ETV3L: variants seen among roughly 807,000 people sequenced by gnomAD.
The protein encoded by ETV3L is ETS variant transcription factor 3 like, also known as ETS translocation variant 3-like protein.
A neutral mutation model predicts 27.6 loss-of-function variants in ETV3L; 30 were observed. That is an observed-to-expected ratio of 1.09 (90% confidence interval 0.81 to 1.48). The LOEUF is 1.48. Among genes scored for constraint, ETV3L ranks in the 40% most tolerant of loss-of-function variants. The probability of loss-of-function intolerance (pLI) is 0.00; values close to 1 mark genes in which losing one functional copy is unlikely to be tolerated. For synonymous variants in ETV3L, 186 were observed against 188.9 expected, an observed-to-expected ratio of 0.98 and a Z score of 0.12; for missense variants, 443 against 455.6, an observed-to-expected ratio of 0.97 and a Z score of 0.25.
intron 4 of ETV3L, among the ~76,000 whole-genome samples, chr1:157,096,653 G>A (rs1674226282): frequency 6.6e-6 from 1 of 152,224 alleles, no homozygotes; most frequent in Non-Finnish European, 1.5e-5. Context: ...GGGCGCGGTG[G>A]CTCACGCCTG....
chr1:157,092,613 G>A lies in ETV3L; in HGVS notation c.*36C>T. On this transcript the variant is annotated 3_prime_UTR_variant, in exon 5 of 5. Transcript: ENST00000454449. The stretch of plus-strand genomic sequence containing the variant: ...TGGGCAAGAGGAGAGATGGACTTTG[G>A]AGGACTCCTCCCCAACTTCCCACCT... 2 of 1,531,898 alleles carry A rather than the reference G, an allele frequency of 1.3e-6. No homozygotes were observed. Among genetic ancestry groups the A allele is most frequent in the Non-Finnish European group, 1.8e-6 (2 of 1,128,978 alleles). 94.9% of individuals were successfully genotyped at this position (1,531,898 alleles called of 1,614,324 possible).
In ETV3L at chr1:157,099,643, A is replaced by AGAAG. The variant is rs1344577833; in HGVS notation, c.-124_-121dup. 1.2e-6 allele frequency: 1 copy of AGAAG among 824,026 alleles called. No homozygotes were observed. The highest frequency in any genetic ancestry group is 1.7e-5 in the African/African-American group (1 of 58,830). 51.0% of individuals were successfully genotyped at this position (824,026 alleles called of 1,614,324 possible). On this transcript the variant is annotated 5_prime_UTR_variant, in exon 1 of 5. The change creates a premature stop within an existing upstream ORF in the 5' untranslated region. Transcript: ENST00000454449. ...AAAGAGGAAGGAAAAATGGAGGGAAAGAAGGAAGGAAGGGAGAGGGTCAGG... is the reference window on the plus strand; with the variant it reads ...AAAGAGGAAGGAAAAATGGAGGGAAAGAAGGAAGGAAGGAAGGGAGAGGGTCAGG...
intron 4 of ETV3L, among the ~76,000 whole-genome samples, chr1:157,097,171 G>C (rs1469331257): frequency 6.6e-6 from 1 of 151,678 alleles, no homozygotes; most frequent in Non-Finnish European, 1.5e-5. Flanking sequence ...ACAGCTTTTT[G>C]CTTTATAAAT....
chr1:157,097,921 C>CG lies in ETV3L; in HGVS notation c.553dup (p.Arg185ProfsTer10), dbSNP rs777622692. 16 of 1,613,566 alleles carry CG rather than the reference C, an allele frequency of 9.9e-6. No individual in the cohort carries two copies. The highest frequency in any genetic ancestry group is 1.3e-5 in the African/African-American group (1 of 74,844). On this transcript the variant is annotated frameshift_variant, in exon 4 of 5. Transcript: ENST00000454449. LOFTEE classifies it high-confidence loss of function. ...ATCCCCAGAGGTCTCTGGTGGCCCT[C>CG]GGGGGGTCTGCTGTCCTGTCAGCTG... is the stretch of plus-strand genomic sequence containing the variant.
Position 157,092,556 on chromosome 1 carries a change from C to G in ETV3L, c.*93G>C. ...CAAATCCTGCAATTTCAGCCCATGT[C>G]CAGCCAGGGGAAGGGGCTAACCCAG... On this transcript the variant is annotated 3_prime_UTR_variant, in exon 5 of 5. Coordinates refer to ENST00000454449, the MANE Select transcript of ETV3L (RefSeq NM_001004341.2). 1 of 1,098,274 alleles carries G rather than the reference C, an allele frequency of 9.1e-7. No homozygotes were observed. The highest frequency in any genetic ancestry group is 1.3e-6 in the Non-Finnish European group (1 of 763,958). The allele number at this position is 1,098,274 out of a possible 1,614,324, so 68.0% of individuals were successfully genotyped here.
At chr1:157,096,318 C>T (rs967932363) in intron 4 of ETV3L, among the ~76,000 whole-genome samples, 2 of 152,132 alleles carry the variant, frequency 1.3e-5, no homozygotes, top group African/African-American at 2.4e-5. Flanking sequence ...ATATCTGCAC[C>T]CCCCTTGCCT....
At chr1:157,093,158 GAGCCCAAC>G in intron 4 of ETV3L, 31 bp from the exon 5 acceptor site, 3 of 1,396,060 alleles carry the variant, frequency 2.1e-6, no homozygotes, top group South Asian at 1.6e-5. Flanking sequence ...AGGGTCAAGG[GAGCCCAAC>G]CTCTCGCAGA....
intron 4 of ETV3L, among the ~76,000 whole-genome samples, chr1:157,094,423 A>C (rs913735306): frequency 6.6e-6 from 1 of 152,156 alleles, no homozygotes; most frequent in Non-Finnish European, 1.5e-5. Flanking sequence ...TTCCCTCTCC[A>C]ACCCTGCCAG....
rs145240495 is a variant in ETV3L at position 157,092,695 on chromosome 1, G to T, written c.1040C>A (p.Pro347His). 121 of 1,613,528 alleles carry T rather than the reference G, an allele frequency of 7.5e-5. No individual in the cohort carries two copies. Among genetic ancestry groups the T allele is most frequent in the Admixed American group, 2.0e-4 (12 of 59,958 alleles). Reference sequence around the variant, plus strand: ...CACTGCTTTGAGGTTCTCCAGATTGGGGGAAGTAAGGCTTTCCTCCCCAGT... The same window carrying T: ...CACTGCTTTGAGGTTCTCCAGATTGTGGGAAGTAAGGCTTTCCTCCCCAGT... ...LKTGEESLTS[P>H]NLENLKAVWP... Residue 347 changes from proline (P) to histidine (H), a missense_variant, in exon 5 of 5, where the codon CCC becomes CAC. Pro to His is a moderately conservative substitution (Grantham distance 77, BLOSUM62 -2). Transcript: ENST00000454449.
Position 157,092,577 on chromosome 1 carries a change from C to G in ETV3L, c.*72G>C, listed in dbSNP as rs755307581. On this transcript the variant is annotated 3_prime_UTR_variant, in exon 5 of 5. Transcript: ENST00000454449. ...ATGTCCAGCCAGGGGAAGGGGCTAA[C>G]CCAGAGGCGGTGGGCAAGAGGAGAG... 1.8e-5 allele frequency: 24 copies of G among 1,354,070 alleles called. No homozygotes were observed. The highest frequency in any genetic ancestry group is 8.6e-5 in the Admixed American group (4 of 46,434). The allele number at this position is 1,354,070 out of a possible 1,614,324, so 83.9% of individuals were successfully genotyped here. A position where few individuals can be genotyped will look rare whatever the true frequency, so the allele number is the denominator to read the frequency against.
rs116330371 is a variant in ETV3L at position 157,098,490 on chromosome 1, A to G, written c.486+216T>C. Among the ~76,000 whole-genome samples, 775 of 152,090 alleles carry G rather than the reference A, an allele frequency of 5.1e-3. 5 individuals carry two copies. The highest frequency in any genetic ancestry group is 0.018 in the African/African-American group (747 of 41,420). ...CTGATCCACCCCTAAAGGAGTGGCG[A>G]CTAGGACAGAAGGAGCCACCCTTTC... On this transcript the variant is annotated intron_variant, in intron 3 of 4. Coordinates refer to ENST00000454449, the MANE Select transcript of ETV3L (RefSeq NM_001004341.2).
chr1:157,092,116 C>T lies in ETV3L; in HGVS notation c.*533G>A. 1 of 155,518 alleles carries T rather than the reference C, an allele frequency of 6.4e-6. No individual in the cohort carries two copies. Among genetic ancestry groups the T allele is most frequent in the Admixed American group, 6.3e-5 (1 of 15,868 alleles). The allele number at this position is 155,518 out of a possible 1,614,324, so 9.6% of individuals were successfully genotyped here. On this transcript the variant is annotated 3_prime_UTR_variant, in exon 5 of 5. Transcript: ENST00000454449. The stretch of plus-strand genomic sequence containing the variant: ...AGCAGAGAAGGCCAGTGTCTCCCCA[C>T]CCCACTTGCCTGGGTCCTGGGGAAA...
chr1:157,098,375 T>C (rs60830083), intron 3 of ETV3L, among the ~76,000 whole-genome samples: 33,619 of 151,978 alleles, frequency 0.22, 4,642 homozygotes, highest in African/African-American at 0.39. Context: ...GGATTACAGG[T>C]GTGAGCCACC....
At position 157,099,484 on chromosome 1, in the gene ETV3L, G is replaced by C; in HGVS notation, c.40C>G (p.Pro14Ala). 6.2e-7 allele frequency: 1 copy of C among 1,613,584 alleles called. No homozygotes were observed. Among genetic ancestry groups the C allele is most frequent in the Non-Finnish European group, 8.5e-7 (1 of 1,179,832 alleles). The change falls in exon 1 of 5, where the codon CCC (proline) becomes GCC (alanine). Residue 14 changes from proline to alanine, a missense_variant. Pro to Ala is a conservative substitution (Grantham distance 27). Coordinates refer to ENST00000454449, the MANE Select transcript of ETV3L (RefSeq NM_001004341.2). ...GGCTCACCTGAGATCCAGTTGCCGG[G>C]GTTGGCTGGGATGCCCTCAGCCAAG... is the stretch of plus-strand genomic sequence containing the variant. ...SCLAEGIPAN[P>A]GNWISGLAFP...
chr1:157,098,718 A>T lies in ETV3L; in HGVS notation c.474T>A (p.Gly158=), dbSNP rs1487741772. 3.1e-6 allele frequency: 5 copies of T among 1,602,646 alleles called. No homozygotes were observed. The highest frequency in any genetic ancestry group is 4.3e-6 in the Non-Finnish European group (5 of 1,174,584). The part of the protein sequence containing the change: ...ALCRPALVPV[G]VQSELLHSML... ...CCTCCGCTCTTACCTCACTCTGCAC[A>T]CCCACGGGCACCAGCGCTGGCCGAC... is the stretch of plus-strand genomic sequence containing the variant. Residue 158 remains glycine (G), a synonymous_variant, in exon 3 of 5, where the codon GGT becomes GGA. Coordinates refer to ENST00000454449, the MANE Select transcript of ETV3L (RefSeq NM_001004341.2).
At chr1:157,094,373 A>G (rs1258962356) in intron 4 of ETV3L, among the ~76,000 whole-genome samples, 2 of 152,134 alleles carry the variant, frequency 1.3e-5, no homozygotes, top group South Asian at 2.1e-4. Flanking sequence ...TCCACCTCCA[A>G]AAAGGCTTCC....
intron 4 of ETV3L, among the ~76,000 whole-genome samples, chr1:157,093,684 G>T (rs536677600): frequency 2.0e-5 from 3 of 151,822 alleles, no homozygotes; most frequent in Non-Finnish European, 4.4e-5. Flanking sequence ...GTAGAGACAG[G>T]GTTTCACCAT....
chr1:157,097,847 C>A, intron 4 of ETV3L, 21 bp downstream of exon 4: 1 of 1,611,942 alleles, frequency 6.2e-7, no homozygotes, highest in East Asian at 2.2e-5. Flanking sequence ...CCCCTGGGCC[C>A]TCCCAGCCTT....
At position 157,099,150 on chromosome 1, in the gene ETV3L, C is replaced by G; in HGVS notation, c.287G>C (p.Arg96Pro). 4 of 1,613,824 alleles carry G rather than the reference C, an allele frequency of 2.5e-6. No individual in the cohort carries two copies. Among genetic ancestry groups the G allele is most frequent in the Non-Finnish European group, 3.4e-6 (4 of 1,179,846 alleles). ...AGCCGCCTCCTCTCACCTGAGGGCC[C>G]GGCTCAGCTTGTCATAATTCATCTG... ...KPQMNYDKLS[R>P]ALRYYYNKRI... The change falls in exon 2 of 5, where the codon CGG (arginine) becomes CCG (proline). Residue 96 changes from arginine to proline, a missense_variant. Transcript: ENST00000454449.
Sources: allele counts gnomAD v4.1 joint callset (sites outside exome capture counted in the v4.1 genomes callset), GRCh38; gene constraint gnomAD v4.1.1; transcripts MANE v1.5; gene names NCBI Gene and HGNC (gene_info 2026-07-23, HGNC 2026-07-21).